Variants in ZNF260 observed in about 807,000 individuals in gnomAD.
ZNF260 encodes zfp-260.
ZNF260 carries 21 observed loss-of-function variants against 29.3 expected under a neutral mutation model. The observed-to-expected ratio is 0.72, with a 90% CI of 0.51 to 1.03. The LOEUF (loss-of-function observed/expected upper bound fraction) is 1.03. ZNF260 is among the 50% of genes least tolerant of loss of function. ZNF260 has a pLI of 0.00. For synonymous variants in ZNF260, 156 were observed against 156.8 expected (o/e 0.99, Z 0.04); for missense variants, 465 against 487.8 (o/e 0.95, Z 0.44).
Position 36,513,698 on chromosome 19 carries a change from A to G in ZNF260, c.*302T>C, listed in dbSNP as rs2034489226. ...TCAAATCCTCATACATCTCATATCT[A>G]TTTCTTAATGCATCTGTAGGCCTTC... On this transcript the variant is annotated 3_prime_UTR_variant, in exon 3 of 3. Transcript: ENST00000523638. 2 of 430,222 alleles carry G rather than the reference A, an allele frequency of 4.6e-6. No individual in the cohort carries two copies. Among genetic ancestry groups the G allele is most frequent in the Non-Finnish European group, 4.1e-6 (1 of 242,740 alleles). 26.7% of individuals were successfully genotyped at this position (430,222 alleles called of 1,614,324 possible). A position where few individuals can be genotyped will look rare whatever the true frequency, so the allele number is the denominator to read the frequency against.
rs752206231 is a variant in ZNF260 at position 36,514,401 on chromosome 19, C to T, written c.838G>A (p.Glu280Lys). The change falls in exon 3 of 3, where the codon GAA becomes AAA. Residue 280 changes from glutamate (E) to lysine (K), a missense_variant. Physicochemically the swap from Glu to Lys is moderately conservative, Grantham distance 56. Transcript: ENST00000523638. ...TTCTGCCTGAAGATTGTTCCACATT[C>T]ATTACATTTGTAGGGTTTCTCTCCA... Reference protein sequence around the residue: ...HIGEKPYKCNECGTIFRQKQY... With the variant: ...HIGEKPYKCNKCGTIFRQKQY... 7.4e-6 allele frequency: 12 copies of T among 1,613,476 alleles called. No homozygotes were observed. Among genetic ancestry groups the T allele is most frequent in the Non-Finnish European group, 9.3e-6 (11 of 1,179,600 alleles).
chr19:36,520,072 G>A (rs1208926314), intron 2 of ZNF260, among the ~76,000 whole-genome samples: 2 of 151,474 alleles, frequency 1.3e-5, no homozygotes, highest in African/African-American at 2.4e-5. Context: ...GGTGGTGTGC[G>A]CCTGTAATCC....
At position 36,510,743 on chromosome 19, in the gene ZNF260, A is replaced by G. The variant is rs2034437939; in HGVS notation, c.*3257T>C. The G allele has an allele frequency of 6.6e-6, 1 of 152,206 alleles. No individual in the cohort carries two copies. The highest frequency in any genetic ancestry group is 2.4e-5 in the African/African-American group (1 of 41,444). The allele number at this position is 152,206 out of a possible 1,614,324, so 9.4% of individuals were successfully genotyped here. A position where few individuals can be genotyped will look rare whatever the true frequency, so the allele number is the denominator to read the frequency against. Reference sequence around the variant, plus strand: ...CATTTCTTATGGTGGCAAATAAGCAAACTGTGAGTAAACGAGGGCAGCTGA... The same window carrying G: ...CATTTCTTATGGTGGCAAATAAGCAGACTGTGAGTAAACGAGGGCAGCTGA... On this transcript the variant is annotated 3_prime_UTR_variant, in exon 3 of 3. Coordinates refer to ENST00000523638, the MANE Select transcript of ZNF260 (RefSeq NM_001166037.2).
intron 1 of ZNF260, among the ~76,000 whole-genome samples, chr19:36,525,785 C>T (rs2034724271): frequency 7.0e-6 from 1 of 142,038 alleles, no homozygotes. Context: ...GACTCCATCT[C>T]AAGGAAGGAA....
chr19:36,521,421 G>C (rs73032482), intron 2 of ZNF260, among the ~76,000 whole-genome samples: 5,671 of 152,290 alleles, frequency 0.037, 148 homozygotes, highest in Non-Finnish European at 0.056. Context: ...AGAACAACAA[G>C]TAAAATGGTT....
At chr19:36,527,409 GA>G in intron 1 of ZNF260, among the ~76,000 whole-genome samples, 1 of 152,184 alleles carries the variant, frequency 6.6e-6, no homozygotes, top group Non-Finnish European at 1.5e-5. Context: ...GAATAAGTGT[GA>G]CAAGATACTT....
intron 2 of ZNF260, among the ~76,000 whole-genome samples, chr19:36,524,521 T>TTTTTTTTTTTTTTTTTTG: frequency 9.5e-6 from 1 of 105,644 alleles, no homozygotes; most frequent in Non-Finnish European, 2.3e-5. Flanking sequence ...ATGCTAGTTT[T>TTTTTTTTTTTTTTTTTTG]TTTTTTTTTT....
chr19:36,517,326 T>C (rs1030317683), intron 2 of ZNF260: 2 of 152,492 alleles, frequency 1.3e-5, no homozygotes, highest in African/African-American at 4.8e-5. Flanking sequence ...GCCCAGGAGT[T>C]CGAGGCTGCA....
intron 2 of ZNF260, among the ~76,000 whole-genome samples, chr19:36,521,309 C>T (rs1191490535): frequency 1.3e-5 from 2 of 152,148 alleles, no homozygotes; most frequent in Admixed American, 6.5e-5. Context: ...TTAAAAATTA[C>T]ATCTCCTTTG....
chr19:36,513,645 AC>A lies in ZNF260; in HGVS notation c.*354del, dbSNP rs2034488146. ...CAATTCATATATGTAGCAAAACATC[AC>A]AAAAATGATAATTTTGTCTCTTAAT... is the stretch of plus-strand genomic sequence containing the variant. On this transcript the variant is annotated 3_prime_UTR_variant, in exon 3 of 3. Coordinates refer to ENST00000523638, the MANE Select transcript of ZNF260 (RefSeq NM_001166037.2). 7 of 416,532 alleles carry A rather than the reference AC, an allele frequency of 1.7e-5. No homozygotes were observed. In the East Asian group the frequency reaches 2.3e-4, roughly 14 times the overall value. The allele number at this position is 416,532 out of a possible 1,614,324, so 25.8% of individuals were successfully genotyped here.
In ZNF260 at chr19:36,515,021, T is replaced by C. The variant is rs753471880; in HGVS notation, c.218A>G (p.His73Arg). ...VCSRVSSLTL[H>R]LRSHTGKKAY... is the part of the protein sequence containing the mutation. ...CTTCTTTCCTGTGTGACTTCTAAGG[T>C]GTAGAGTAAGAGATGAGACTCGAGA... The change falls in exon 3 of 3, where the codon CAC becomes CGC. Residue 73 changes from histidine to arginine, a missense_variant. Transcript: ENST00000523638. The C allele has an allele frequency of 1.2e-6, 2 of 1,614,168 alleles. No homozygotes were observed. Among genetic ancestry groups the C allele is most frequent in the South Asian group, 2.2e-5 (2 of 91,086 alleles).
In ZNF260 at chr19:36,513,481, C is replaced by G. The variant is rs1402438157; in HGVS notation, c.*519G>C. On this transcript the variant is annotated 3_prime_UTR_variant, in exon 3 of 3. Transcript: ENST00000523638. ...TAATTTTTAAGTAATCCATGATTTC[C>G]CCACCAATCTGGGATACCGCCTCTA... The G allele has an allele frequency of 2.8e-6, 1 of 350,880 alleles. No individual in the cohort carries two copies. 21.7% of individuals were successfully genotyped at this position (350,880 alleles called of 1,614,324 possible).
chr19:36,522,746 C>T (rs943622631), intron 2 of ZNF260, among the ~76,000 whole-genome samples: 1 of 152,166 alleles, frequency 6.6e-6, no homozygotes, highest in Non-Finnish European at 1.5e-5. Flanking sequence ...GCTCCAACCA[C>T]AACCAGATAA....
chr19:36,517,116 T>G (rs551776276), intron 2 of ZNF260, among the ~76,000 whole-genome samples: 2 of 152,216 alleles, frequency 1.3e-5, no homozygotes, highest in East Asian at 3.9e-4. Context: ...TTAGGAGGAC[T>G]AGGGATAGTG....
rs2034444418 is a variant in ZNF260 at position 36,511,112 on chromosome 19, A to G, written c.*2888T>C. The G allele has an allele frequency of 6.6e-6, 1 of 152,204 alleles. No individual in the cohort carries two copies. The highest frequency in any genetic ancestry group is 1.5e-5 in the Non-Finnish European group (1 of 68,030). The allele number at this position is 152,204 out of a possible 1,614,324, so 9.4% of individuals were successfully genotyped here. A position where few individuals can be genotyped will look rare whatever the true frequency, so the allele number is the denominator to read the frequency against. ...CATTTTCAATCTTATCTCAAGACCA[A>G]CCTTCAGAAATGCTAGTAAGTGCTA... On this transcript the variant is annotated 3_prime_UTR_variant, in exon 3 of 3. Transcript: ENST00000523638.
chr19:36,514,847 G>T lies in ZNF260; in HGVS notation c.392C>A (p.Thr131Lys). 4 of 1,613,936 alleles carry T rather than the reference G, an allele frequency of 2.5e-6. No homozygotes were observed. Among genetic ancestry groups the T allele is most frequent in the Non-Finnish European group, 3.4e-6 (4 of 1,180,004 alleles). The change falls in exon 3 of 3, where the codon ACA becomes AAA. Residue 131 changes from threonine to lysine, a missense_variant. By Grantham distance (78) the Thr-to-Lys change is moderately conservative. Transcript: ENST00000523638. The stretch of plus-strand genomic sequence containing the variant: ...CTTACATGCATAGGGTTTGGTTCCT[G>T]TATGATTTTTCTGGTGTCTGATGAT... ...PTIIRHQKNH[T>K]GTKPYACKEC...
At position 36,514,274 on chromosome 19, in the gene ZNF260, T is replaced by C; in HGVS notation, c.965A>G (p.His322Arg). 1 of 1,614,162 alleles carries C rather than the reference T, an allele frequency of 6.2e-7. No individual in the cohort carries two copies. The highest frequency in any genetic ancestry group is 8.5e-7 in the Non-Finnish European group (1 of 1,180,010). Residue 322 changes from histidine to arginine, a missense_variant, in exon 3 of 3, where the codon CAT becomes CGT. By Grantham distance (29) the His-to-Arg change is conservative. Coordinates refer to ENST00000523638, the MANE Select transcript of ZNF260 (RefSeq NM_001166037.2). The part of the protein sequence containing the change: ...AFSRITSLIV[H>R]VRIHTGDKPY... Reference sequence around the variant, plus strand: ...CTTATCACCTGTATGAATTCTCACATGTACAATAAGTGATGTGATTCGAGA... The same window carrying C: ...CTTATCACCTGTATGAATTCTCACACGTACAATAAGTGATGTGATTCGAGA...
chr19:36,525,452 T>C (rs184134559), intron 1 of ZNF260, 79 bp from the exon 2 acceptor site: 5 of 152,330 alleles, frequency 3.3e-5, no homozygotes, highest in East Asian at 1.9e-4. Flanking sequence ...TATTTGTACA[T>C]AGCACCTCAG....
intron 2 of ZNF260, among the ~76,000 whole-genome samples, chr19:36,519,298 CAG>C (rs2034602687): frequency 6.6e-6 from 1 of 152,084 alleles, no homozygotes; most frequent in African/African-American, 2.4e-5. Context: ...AGAAATCAAA[CAG>C]AGTCATAGAA....
Sources: allele counts gnomAD v4.1 joint callset (sites outside exome capture counted in the v4.1 genomes callset), GRCh38; gene constraint gnomAD v4.1.1; transcripts MANE v1.5; gene names NCBI Gene and HGNC (gene_info 2026-07-23, HGNC 2026-07-21).